Variants in CDH20 observed in about 807,000 individuals in gnomAD.
The protein encoded by CDH20 is cadherin-20.
Under a neutral mutation model 74.2 loss-of-function variants are expected in CDH20, and 29 were observed. That is an observed-to-expected ratio of 0.39 (90% CI 0.29 to 0.53). The LOEUF is 0.53. Ranked by LOEUF, CDH20 falls within the 20% of genes least tolerant of loss-of-function variation. CDH20 has a pLI of 0.69. For synonymous variants in CDH20, 469 were observed against 405.4 expected, an observed-to-expected ratio of 1.16 and a Z score of -1.88; for missense variants, 988 against 1,048.3, an observed-to-expected ratio of 0.94 and a Z score of 0.79.
At chr18:61,506,653 T>C (rs1045994104) in intron 5 of CDH20, among the ~76,000 whole-genome samples, 3 of 152,222 alleles carry the variant, frequency 2.0e-5, no homozygotes, top group Admixed American at 6.5e-5. Flanking sequence ...CTAAATTTAA[T>C]TGTGAGCTCA....
intron 1 of CDH20, among the ~76,000 whole-genome samples, chr18:61,462,720 A>C (rs1243308602): frequency 8.4e-6 from 1 of 119,558 alleles, no homozygotes; most frequent in African/African-American, 3.2e-5. Context: ...TTACAAAAAA[A>C]AAAAGGGGGG....
At chr18:61,338,502 A>G (rs1909833095) in intron 1 of CDH20, among the ~76,000 whole-genome samples, 1 of 152,180 alleles carries the variant, frequency 6.6e-6, no homozygotes, top group South Asian at 2.1e-4. Context: ...AATTCACCTC[A>G]AGGTATATGT....
At chr18:61,404,040 A>G (rs1156692930) in intron 1 of CDH20, among the ~76,000 whole-genome samples, 1 of 152,190 alleles carries the variant, frequency 6.6e-6, no homozygotes. Flanking sequence ...ATGAGAACAC[A>G]TGGACACAGG....
chr18:61,468,801 C>G (rs576112012), intron 1 of CDH20, among the ~76,000 whole-genome samples: 1 of 152,308 alleles, frequency 6.6e-6, no homozygotes, highest in African/African-American at 2.4e-5. Flanking sequence ...TGAAGTTCCT[C>G]AAAAAGCCAC....
intron 1 of CDH20, among the ~76,000 whole-genome samples, chr18:61,478,918 C>T (rs565017068): frequency 6.6e-6 from 1 of 151,956 alleles, no homozygotes; most frequent in South Asian, 2.1e-4. Context: ...TCCTGTGAAA[C>T]TGCAATTGAA....
Position 61,554,213 on chromosome 18 carries a change from A to C in CDH20, c.1924A>C (p.Met642Leu). The change falls in exon 12 of 12, where the codon ATG becomes CTG. Residue 642 changes from methionine (M) to leucine (L), a missense_variant. By Grantham distance (15) the Met-to-Leu change is conservative (BLOSUM62 2). Around this residue, in one of 2 missense-constraint regions of CDH20, gnomAD observed 375 missense variants for 293.1 expected, o/e 1.28. Coordinates refer to ENST00000262717, the MANE Select transcript of CDH20 (RefSeq NM_031891.4). The part of the protein sequence containing the change: ...LLVLVLLILS[M>L]RRHRKQPYII... ...AGTGCTGGTGTTGCTCATTTTGTCC[A>C]TGAGGCGGCACCGGAAACAACCATA... The C allele has an allele frequency of 1.2e-6, 2 of 1,612,052 alleles. No individual in the cohort carries two copies. The highest frequency in any genetic ancestry group is 1.7e-6 in the Non-Finnish European group (2 of 1,178,376).
At chr18:61,549,861 G>T in intron 10 of CDH20, 117 bp from the exon 11 acceptor site, 1 of 1,062,714 alleles carries the variant, frequency 9.4e-7, no homozygotes, top group Admixed American at 2.2e-5. Context: ...CCACTACCAG[G>T]GAATATCTGA....
intron 9 of CDH20, among the ~76,000 whole-genome samples, chr18:61,543,908 G>T (rs899052572): frequency 6.6e-6 from 1 of 152,204 alleles, no homozygotes; most frequent in Non-Finnish European, 1.5e-5. Flanking sequence ...AAGAAAATAT[G>T]GGGTCAAGCA....
intron 2 of CDH20, among the ~76,000 whole-genome samples, chr18:61,491,614 G>A (rs1044530241): frequency 2.0e-5 from 3 of 152,118 alleles, no homozygotes; most frequent in Non-Finnish European, 4.4e-5. Flanking sequence ...GCTCATCTCG[G>A]CTTCCTCAAA....
intron 1 of CDH20, among the ~76,000 whole-genome samples, chr18:61,460,489 C>T (rs1909728555): frequency 6.6e-6 from 1 of 152,148 alleles, no homozygotes; most frequent in African/African-American, 2.4e-5. Context: ...TTATGCAGGG[C>T]AGGGAGGCAA....
intron 1 of CDH20, among the ~76,000 whole-genome samples, chr18:61,385,042 C>T (rs182729369): frequency 1.6e-4 from 25 of 152,248 alleles, no homozygotes; most frequent in Admixed American, 1.5e-3. Flanking sequence ...ATCACAGACT[C>T]CATTTAATAA....
rs1913196190 is a variant in CDH20 at position 61,545,140 on chromosome 18, C to T, written c.1644C>T (p.Asn548=). 6.3e-7 allele frequency: 1 copy of T among 1,597,540 alleles called. No individual in the cohort carries two copies. The highest frequency in any genetic ancestry group is 8.6e-7 in the Non-Finnish European group (1 of 1,164,946). The stretch of plus-strand genomic sequence containing the variant: ...ACCCCAACTTTACCATAAGGGACAA[C>T]CAAGGTAATCAGGTGGATGGTTGGC... The part of the protein sequence containing the change: ...ANNPNFTIRD[N]QDNTARILTR... Residue 548 remains asparagine (N), a synonymous_variant, in exon 10 of 12, where the codon AAC becomes AAT. Transcript: ENST00000262717.
intron 1 of CDH20, among the ~76,000 whole-genome samples, chr18:61,368,877 A>G (rs1002874523): frequency 4.2e-5 from 1 of 23,646 alleles, no homozygotes; most frequent in Non-Finnish European, 7.5e-5. Flanking sequence ...AAAAAAAAAA[A>G]GTTCCAAATA....
At chr18:61,359,469 TAA>T (rs1910615489) in intron 1 of CDH20, among the ~76,000 whole-genome samples, 1 of 152,068 alleles carries the variant, frequency 6.6e-6, no homozygotes, top group Non-Finnish European at 1.5e-5. Flanking sequence ...CTCATGGGTA[TAA>T]ATGAGAACCT....
chr18:61,352,654 AG>A (rs1910346623), intron 1 of CDH20, among the ~76,000 whole-genome samples: 2 of 152,198 alleles, frequency 1.3e-5, no homozygotes, highest in Non-Finnish European at 1.5e-5. Context: ...TAATTACCTT[AG>A]TTGCTGGACC....
chr18:61,501,474 A>G (rs1013840525), intron 4 of CDH20, among the ~76,000 whole-genome samples: 2 of 152,174 alleles, frequency 1.3e-5, no homozygotes, highest in Non-Finnish European at 2.9e-5. Context: ...TCCATTTTAT[A>G]TGAGGGTAAA....
intron 1 of CDH20, among the ~76,000 whole-genome samples, chr18:61,346,379 T>A (rs1435167149): frequency 2.0e-5 from 3 of 152,184 alleles, no homozygotes; most frequent in Non-Finnish European, 2.9e-5. Context: ...ATGCATTTGA[T>A]TCTGGGCAAA....
chr18:61,449,164 C>T (rs1015476034), intron 1 of CDH20, among the ~76,000 whole-genome samples: 3 of 152,132 alleles, frequency 2.0e-5, no homozygotes, highest in Non-Finnish European at 4.4e-5. Flanking sequence ...CTATAACGAC[C>T]TCATTTAATT....
At chr18:61,479,935 G>C (rs1910529504) in intron 1 of CDH20, among the ~76,000 whole-genome samples, 1 of 152,260 alleles carries the variant, frequency 6.6e-6, no homozygotes, top group African/African-American at 2.4e-5. Flanking sequence ...AGTAATACTA[G>C]GTGCTAGAAG....
Sources: gnomAD v4.1 joint callset for allele counts (sites outside exome capture counted in the v4.1 genomes callset) on GRCh38, gnomAD v4.1.1 for gene constraint, gnomAD v4.1.1 regional missense constraint, MANE v1.5 for transcripts, NCBI Gene and HGNC (gene_info 2026-07-23, HGNC 2026-07-21) for gene names.